Variants in MAML3 observed in about 807,000 individuals in gnomAD.
MAML3 encodes mastermind like transcriptional coactivator 3.
In MAML3, 27 loss-of-function variants were observed where a neutral mutation model predicts 101.9. That is an observed-to-expected ratio of 0.27 (90% CI 0.20 to 0.37). MAML3 has a LOEUF of 0.37. MAML3 is among the 10% of genes least tolerant of loss of function. The pLI is 1.00. For missense variants in MAML3, 1,316 were observed against 1,444.9 expected (o/e 0.91, Z 1.45); for synonymous variants, 501 against 555.9 (o/e 0.90, Z 1.39).
chr4:139,732,391 C>A (rs1579371970), intron 2 of MAML3, among the ~76,000 whole-genome samples: 1 of 152,080 alleles, frequency 6.6e-6, no homozygotes, highest in East Asian at 1.9e-4. Flanking sequence ...TCAACTGCAT[C>A]TTCAGTTGCT....
At chr4:139,765,384 A>G (rs749119174) in intron 2 of MAML3, among the ~76,000 whole-genome samples, 1 of 152,198 alleles carries the variant, frequency 6.6e-6, no homozygotes, top group Non-Finnish European at 1.5e-5. Flanking sequence ...GTAATCTTTA[A>G]AATAATTTAA....
intron 2 of MAML3, among the ~76,000 whole-genome samples, chr4:139,864,877 G>A (rs1216156056): frequency 1.6e-5 from 2 of 127,310 alleles, no homozygotes; most frequent in African/African-American, 2.9e-5. Flanking sequence ...GAAAAAAAGT[G>A]AAATATGGAT....
intron 2 of MAML3, 149 bp from the exon 3 acceptor site, chr4:139,730,816 AC>A: frequency 1.4e-6 from 1 of 690,578 alleles, no homozygotes; most frequent in South Asian, 1.9e-5. Flanking sequence ...ATTTCCATAA[AC>A]GTAGCTTCAA....
At chr4:140,082,176 G>C (rs927722646) in intron 1 of MAML3, among the ~76,000 whole-genome samples, 1 of 152,200 alleles carries the variant, frequency 6.6e-6, no homozygotes, top group African/African-American at 2.4e-5. Context: ...TTCTCCCCTT[G>C]TGCCTCTTTC....
At position 139,996,021 on chromosome 4, in the gene MAML3, C is replaced by T. The variant is rs142844136; in HGVS notation, c.469-105054G>A. On this transcript the variant is annotated intron_variant, in intron 1 of 4. Coordinates refer to ENST00000509479, the MANE Select transcript of MAML3 (RefSeq NM_018717.5). The stretch of plus-strand genomic sequence containing the variant: ...TCATTAAGTTCAAAATATTATCTAA[C>T]TTTTTCTTTTACTCATGGGTTATTC... Among the ~76,000 whole-genome samples the T allele has an allele frequency of 6.5e-3, 991 of 152,030 alleles. 13 individuals carry two copies. The highest frequency in any genetic ancestry group is 0.023 in the African/African-American group (944 of 41,468).
At position 140,153,192 on chromosome 4, in the gene MAML3, T is replaced by C; in HGVS notation, c.136A>G (p.Ser46Gly). 6.4e-7 allele frequency: 1 copy of C among 1,554,088 alleles called. No individual in the cohort carries two copies. Among genetic ancestry groups the C allele is most frequent in the Non-Finnish European group, 8.7e-7 (1 of 1,148,482 alleles). The change falls in exon 1 of 5, where the codon AGC becomes GGC. Residue 46 changes from serine to glycine, a missense_variant. Transcript: ENST00000509479. ...TPNSTPAAPS[S>G]NHPAAGGCGG... ...CATCCACCGGCTGCCGGGTGATTGC[T>C]ACTCGGAGCAGCGGGAGTACTATTG...
Position 139,958,391 on chromosome 4 carries a change from C to A in MAML3, c.469-67424G>T, listed in dbSNP as rs531181876. Among the ~76,000 whole-genome samples, 119 of 152,154 alleles carry A rather than the reference C, an allele frequency of 7.8e-4. 1 individual carries two copies. Among genetic ancestry groups the A allele is most frequent in the Admixed American group, 3.9e-3 (60 of 15,274 alleles). On this transcript the variant is annotated intron_variant, in intron 1 of 4. Transcript: ENST00000509479. The stretch of plus-strand genomic sequence containing the variant: ...GTTCAAAAGACAGTGTGGAGGATAC[C>A]TACATGAATATGGCAGAGTTTCTAT...
chr4:140,103,332 G>A (rs1216035047), intron 1 of MAML3, among the ~76,000 whole-genome samples: 1 of 152,140 alleles, frequency 6.6e-6, no homozygotes, highest in Non-Finnish European at 1.5e-5. Context: ...AGATAATGCA[G>A]GGAAGCATCA....
At chr4:140,056,577 C>G (rs764611823) in intron 1 of MAML3, among the ~76,000 whole-genome samples, 11 of 151,900 alleles carry the variant, frequency 7.2e-5, no homozygotes, top group Non-Finnish European at 1.6e-4. Context: ...GAGGCTGAGA[C>G]GGGCGGATCA....
chr4:140,143,454 C>T lies in MAML3; in HGVS notation c.468+9406G>A, dbSNP rs550425315. Among the ~76,000 whole-genome samples the T allele has an allele frequency of 3.3e-5, 5 of 152,242 alleles. No individual in the cohort carries two copies. In the South Asian group the frequency reaches 6.2e-4, roughly 19 times the overall value. On this transcript the variant is annotated intron_variant, in intron 1 of 4. Coordinates refer to ENST00000509479, the MANE Select transcript of MAML3 (RefSeq NM_018717.5). The stretch of plus-strand genomic sequence containing the variant: ...CGTATACTAACTCATTGATCAATGA[C>T]TCTGTGAGGTGAAAAGAATGACAAC...
chr4:139,791,355 G>A (rs530898010), intron 2 of MAML3, among the ~76,000 whole-genome samples: 1 of 152,104 alleles, frequency 6.6e-6, no homozygotes, highest in South Asian at 2.1e-4. Flanking sequence ...AAATTAGCCA[G>A]GCATGGTGGC....
chr4:139,994,694 A>G (rs1175452926), intron 1 of MAML3, among the ~76,000 whole-genome samples: 1 of 152,116 alleles, frequency 6.6e-6, no homozygotes, highest in Non-Finnish European at 1.5e-5. Flanking sequence ...ATTAATAGAA[A>G]TGGAACGTTT....
chr4:139,840,000 A>G (rs1023443353), intron 2 of MAML3, among the ~76,000 whole-genome samples: 4 of 152,196 alleles, frequency 2.6e-5, no homozygotes, highest in African/African-American at 9.7e-5. Flanking sequence ...AAGTGAGTGG[A>G]AAGGGGTCAA....
chr4:139,786,802 T>C (rs1383792359), intron 2 of MAML3, among the ~76,000 whole-genome samples: 1 of 152,166 alleles, frequency 6.6e-6, no homozygotes, highest in Non-Finnish European at 1.5e-5. Flanking sequence ...GAGGTTAAAG[T>C]GGGGTCAAGG....
intron 1 of MAML3, among the ~76,000 whole-genome samples, chr4:140,102,972 G>A (rs1000259448): frequency 6.6e-6 from 1 of 152,174 alleles, no homozygotes; most frequent in Non-Finnish European, 1.5e-5. Flanking sequence ...AAGGCAGAAA[G>A]TGCAGCTCAC....
At chr4:139,933,405 C>T (rs893137573) in intron 1 of MAML3, among the ~76,000 whole-genome samples, 1 of 152,176 alleles carries the variant, frequency 6.6e-6, no homozygotes, top group Non-Finnish European at 1.5e-5. Context: ...ACGAAAACAC[C>T]CCAAACCATC....
At chr4:140,098,548 C>T (rs927133194) in intron 1 of MAML3, among the ~76,000 whole-genome samples, 5 of 152,230 alleles carry the variant, frequency 3.3e-5, no homozygotes, top group East Asian at 3.8e-4. Context: ...CGTATCATCA[C>T]CAGGACTTCT....
At chr4:139,777,955 G>C (rs1005301473) in intron 2 of MAML3, among the ~76,000 whole-genome samples, 3 of 152,066 alleles carry the variant, frequency 2.0e-5, no homozygotes, top group Non-Finnish European at 4.4e-5. Flanking sequence ...GAACACTCTT[G>C]ACCTAGCTCT....
intron 2 of MAML3, among the ~76,000 whole-genome samples, chr4:139,786,456 C>T (rs1487535251): frequency 6.6e-6 from 1 of 152,152 alleles, no homozygotes; most frequent in Non-Finnish European, 1.5e-5. Flanking sequence ...AGCCCAGATG[C>T]TAATTTCACA....
Sources: allele counts gnomAD v4.1 joint callset (sites outside exome capture counted in the v4.1 genomes callset), GRCh38; gene constraint gnomAD v4.1.1; transcripts MANE v1.5; gene names NCBI Gene and HGNC (gene_info 2026-07-23, HGNC 2026-07-21).